ANKFN1: variants seen among roughly 807,000 people sequenced by gnomAD.
ANKFN1 encodes ankyrin repeat and fibronectin type III domain containing 1, also known as ankyrin repeat and fibronectin type-III domain-containing protein 1.
A neutral mutation model predicts 108.7 loss-of-function variants in ANKFN1; 74 were observed. The observed-to-expected ratio is 0.68, with a 90% confidence interval of 0.56 to 0.83. The LOEUF (loss-of-function observed/expected upper bound fraction) is 0.83. Ranked by LOEUF, ANKFN1 falls within the 40% of genes least tolerant of loss-of-function variation. The pLI is 0.00. For missense variants in ANKFN1, 1,505 were observed against 1,382.3 expected, an observed-to-expected ratio of 1.09 and a Z score of -1.41; for synonymous variants, 547 against 516.2, an observed-to-expected ratio of 1.06 and a Z score of -0.81.
At chr17:56,192,250 T>A (rs1306471387) in intron 1 of ANKFN1, among the ~76,000 whole-genome samples, 2 of 146,850 alleles carry the variant, frequency 1.4e-5, no homozygotes, top group Non-Finnish European at 3.0e-5. Flanking sequence ...AAAAATTAAT[T>A]CAAGATGGAT....
intron 3 of ANKFN1, among the ~76,000 whole-genome samples, chr17:56,261,599 T>C (rs566836545): frequency 2.0e-5 from 3 of 151,938 alleles, no homozygotes; most frequent in Admixed American, 2.0e-4. Context: ...CAGTCTGTGG[T>C]CAACTGTCTA....
At chr17:56,391,152 T>TGG (rs2047412260) in intron 8 of ANKFN1, among the ~76,000 whole-genome samples, 1 of 149,036 alleles carries the variant, frequency 6.7e-6, no homozygotes, top group South Asian at 2.1e-4. Context: ...TTGGAATCAC[T>TGG]GGGGATCCCT....
At chr17:56,298,029 C>T (rs932673671) in intron 3 of ANKFN1, among the ~76,000 whole-genome samples, 4 of 152,144 alleles carry the variant, frequency 2.6e-5, no homozygotes, top group Admixed American at 1.3e-4. Flanking sequence ...GGTCCATGGA[C>T]TAGAAGCAGC....
At chr17:56,099,018 C>T (rs1183756369) in intron 4 of ANKFN1, among the ~76,000 whole-genome samples, 2 of 152,124 alleles carry the variant, frequency 1.3e-5, no homozygotes, top group East Asian at 3.9e-4. Context: ...TTGTTCTTTA[C>T]TATTTTATTA....
chr17:56,114,309 A>G (rs1378528327), intron 4 of ANKFN1, among the ~76,000 whole-genome samples: 1 of 152,242 alleles, frequency 6.6e-6, no homozygotes. Context: ...TAAAAATGGA[A>G]CAAAGTGAAG....
At chr17:56,315,249 C>G (rs1464029995) in intron 3 of ANKFN1, among the ~76,000 whole-genome samples, 2 of 152,226 alleles carry the variant, frequency 1.3e-5, no homozygotes, top group African/African-American at 4.8e-5. Flanking sequence ...TTCTCTCTCT[C>G]TCTCTTTCTT....
chr17:56,429,301 A>AG (rs2145103189), intron 8 of ANKFN1, among the ~76,000 whole-genome samples: 1 of 152,316 alleles, frequency 6.6e-6, no homozygotes, highest in Non-Finnish European at 1.5e-5. Flanking sequence ...GAACGGTAGA[A>AG]GGGGGGCTTT....
chr17:56,339,642 C>A (rs570689958), intron 4 of ANKFN1, among the ~76,000 whole-genome samples: 9 of 151,998 alleles, frequency 5.9e-5, no homozygotes, highest in African/African-American at 2.2e-4. Flanking sequence ...TAATCTTGTT[C>A]TTTTTATAGC....
chr17:56,467,850 G>GAAAGAAAGAAAGA (rs2050181513), intron 15 of ANKFN1, among the ~76,000 whole-genome samples: 1 of 23,772 alleles, frequency 4.2e-5, no homozygotes, highest in African/African-American at 1.2e-4. Flanking sequence ...AAGAAAGAAA[G>GAAAGAAAGAAAGA]AAAAAGGGAA....
intron 3 of ANKFN1, among the ~76,000 whole-genome samples, chr17:56,259,577 G>A (rs2043451195): frequency 6.6e-6 from 1 of 152,048 alleles, no homozygotes; most frequent in South Asian, 2.1e-4. Context: ...CCAGTAGAAT[G>A]ACCATAAGCT....
rs145898466 is a variant in ANKFN1, at chr17:56,392,199, G to A, written c.910+17485G>A. ...GAGATACAAGGAGGTTAAGAAATTT[G>A]TGCAAGGTCCCATAATAAGTAGGGG... On this transcript the variant is annotated intron_variant, in intron 8 of 20. Transcript: ENST00000682825. Among the ~76,000 whole-genome samples, 41 of 152,278 alleles carry A rather than the reference G, an allele frequency of 2.7e-4. 1 individual carries two copies. The East Asian group carries it at 7.9e-3, about 29-fold the overall frequency.
At chr17:56,468,064 G>A (rs1285938945) in intron 15 of ANKFN1, among the ~76,000 whole-genome samples, 1 of 152,128 alleles carries the variant, frequency 6.6e-6, no homozygotes, top group African/African-American at 2.4e-5. Flanking sequence ...ATATCCACTT[G>A]AGTCTCCACA....
intron 18 of ANKFN1, among the ~76,000 whole-genome samples, chr17:56,482,915 CTCTCCTTTCCT>C (rs1198154940): frequency 6.6e-6 from 1 of 152,048 alleles, no homozygotes; most frequent in Non-Finnish European, 1.5e-5. Flanking sequence ...CTTCCTTTCT[CTCTCCTTTCCT>C]CCCTTTCTCT....
intron 4 of ANKFN1, among the ~76,000 whole-genome samples, chr17:56,069,222 TCCTGG>T (rs1905094229): frequency 6.6e-6 from 1 of 152,230 alleles, no homozygotes. Context: ...TAAAACTTTT[TCCTGG>T]CCTGTTTAAT....
intron 4 of ANKFN1, among the ~76,000 whole-genome samples, chr17:56,132,725 CT>C (rs1907355420): frequency 6.6e-6 from 1 of 152,104 alleles, no homozygotes; most frequent in Admixed American, 6.6e-5. Context: ...GATGAGGGCG[CT>C]CTTCTGGGTT....
At chr17:56,201,646 C>G (rs894529603) in intron 1 of ANKFN1, among the ~76,000 whole-genome samples, 1 of 150,380 alleles carries the variant, frequency 6.6e-6, no homozygotes, top group Non-Finnish European at 1.5e-5. Flanking sequence ...CTAAGGAGTG[C>G]TTTAGCTGAT....
At chr17:56,103,944 G>A (rs1905695097) in intron 4 of ANKFN1, among the ~76,000 whole-genome samples, 1 of 152,178 alleles carries the variant, frequency 6.6e-6, no homozygotes, top group South Asian at 2.1e-4. Context: ...GGAAAGGAGG[G>A]ATATTCTTGG....
At chr17:56,382,643 G>A (rs1315355456) in intron 8 of ANKFN1, among the ~76,000 whole-genome samples, 2 of 152,076 alleles carry the variant, frequency 1.3e-5, no homozygotes, top group Non-Finnish European at 2.9e-5. Context: ...GATCTACCAA[G>A]CAAATGGAAA....
At chr17:56,243,734 G>T (rs529122982) in intron 3 of ANKFN1, among the ~76,000 whole-genome samples, 2 of 151,864 alleles carry the variant, frequency 1.3e-5, no homozygotes, top group East Asian at 3.8e-4. Flanking sequence ...CTTAGTTTTC[G>T]GTTTAACTTA....
Sources: allele counts gnomAD v4.1 joint callset (sites outside exome capture counted in the v4.1 genomes callset), GRCh38; gene constraint gnomAD v4.1.1; transcripts MANE v1.5; gene names NCBI Gene and HGNC (gene_info 2026-07-23, HGNC 2026-07-21).